HCN2: variants seen among roughly 807,000 people sequenced by gnomAD.
The protein encoded by HCN2 is hyperpolarization activated cyclic nucleotide gated potassium and sodium channel 2, also known as potassium/sodium hyperpolarization-activated cyclic nucleotide-gated channel 2.
HCN2 carries 20 observed loss-of-function variants against 52.3 expected under a neutral mutation model. The ratio of observed to expected loss-of-function variants is 0.38; its 90% CI spans 0.27 to 0.56. HCN2 has a LOEUF of 0.56. Ranked by LOEUF, HCN2 falls within the 20% of genes least tolerant of loss-of-function variation. HCN2 has a pLI of 0.71. For missense variants in HCN2, 981 were observed against 1,207.7 expected (o/e 0.81, Z 2.78); for synonymous variants, 694 against 537.0 (o/e 1.29, Z -4.04).
chr19:616,459 CTCG>C lies in HCN2; in HGVS notation c.2658_2660del (p.Ser887del). ...CCCAGGACTCCGCGCGCTCGCGCCT[CTCG>C]TCCAACTTGTGACCCTCGCCGACCG... On this transcript the variant is annotated inframe_deletion, in exon 8 of 8. Coordinates refer to ENST00000251287, the MANE Select transcript of HCN2 (RefSeq NM_001194.4). The C allele has an allele frequency of 1.6e-6, 2 of 1,237,538 alleles. No homozygotes were observed. Among genetic ancestry groups the C allele is most frequent in the Non-Finnish European group, 2.0e-6 (2 of 987,904 alleles). 76.7% of individuals were successfully genotyped at this position (1,237,538 alleles called of 1,614,324 possible). A position where few individuals can be genotyped will look rare whatever the true frequency, so the allele number is the denominator to read the frequency against.
intron 4 of HCN2, 121 bp from the exon 5 acceptor site, chr19:610,137 GC>G (rs1222539408): frequency 8.3e-7 from 1 of 1,207,482 alleles, no homozygotes; most frequent in African/African-American, 1.5e-5. Flanking sequence ...GTGCCCGTGT[GC>G]CCGCTGCAGG....
chr19:600,782 G>C (rs1172584497), intron 1 of HCN2, among the ~76,000 whole-genome samples: 2 of 152,132 alleles, frequency 1.3e-5, no homozygotes, highest in Non-Finnish European at 2.9e-5. Context: ...CACCCAGCAG[G>C]CTTTTTTCTT....
intron 1 of HCN2, among the ~76,000 whole-genome samples, chr19:597,738 T>C (rs1426594279): frequency 6.0e-4 from 90 of 149,718 alleles, no homozygotes; most frequent in Non-Finnish European, 6.4e-4. Context: ...GTCCTCCTGG[T>C]GGTTTCTAGG....
chr19:597,336 G>T (rs1055072344), intron 1 of HCN2, among the ~76,000 whole-genome samples: 2 of 152,226 alleles, frequency 1.3e-5, no homozygotes, highest in Admixed American at 6.5e-5. Flanking sequence ...CCATCAGAGG[G>T]GAGGTGTGGT....
At chr19:600,911 A>T (rs982060457) in intron 1 of HCN2, among the ~76,000 whole-genome samples, 6 of 152,204 alleles carry the variant, frequency 3.9e-5, no homozygotes, top group Non-Finnish European at 8.8e-5. Context: ...TCCCCCGGAC[A>T]GAAACCGCAC....
intron 5 of HCN2, among the ~76,000 whole-genome samples, chr19:610,706 GCTGAGCA>G (rs1983594309): frequency 6.6e-6 from 1 of 152,210 alleles, no homozygotes; most frequent in Non-Finnish European, 1.5e-5. Flanking sequence ...CAGAGGCCCC[GCTGAGCA>G]CCAGGTCCTG....
At chr19:615,741 C>T (rs1230710556) in intron 7 of HCN2, 54 bp from the exon 8 acceptor site, 26 of 1,572,172 alleles carry the variant, frequency 1.7e-5, no homozygotes, top group Non-Finnish European at 1.9e-5. Context: ...GCTCGGTGCC[C>T]GCTGTACGCA....
In HCN2 at chr19:617,043, C is replaced by T. The variant is rs948723831; in HGVS notation, c.*569C>T. 1.2e-4 allele frequency: 63 copies of T among 544,416 alleles called. No homozygotes were observed. The highest frequency in any genetic ancestry group is 5.1e-4 in the Middle Eastern group (1 of 1,980). The allele number at this position is 544,416 out of a possible 1,614,324, so 33.7% of individuals were successfully genotyped here. A position where few individuals can be genotyped will look rare whatever the true frequency, so the allele number is the denominator to read the frequency against. ...GGGCGCGGGGGGGAGGCTGGGGTCC[C>T]GCCGCCGTGATGAATGTACTGACGA... On this transcript the variant is annotated 3_prime_UTR_variant, in exon 8 of 8. Transcript: ENST00000251287.
chr19:599,737 G>A (rs1228476213), intron 1 of HCN2, among the ~76,000 whole-genome samples: 5 of 152,178 alleles, frequency 3.3e-5, no homozygotes, highest in African/African-American at 9.6e-5. Flanking sequence ...GCAGTGAGCC[G>A]AGATTGTGCC....
intron 5 of HCN2, among the ~76,000 whole-genome samples, chr19:610,918 C>T (rs969544734): frequency 6.6e-6 from 1 of 152,204 alleles, no homozygotes; most frequent in East Asian, 1.9e-4. Context: ...CGTGCTACCC[C>T]CCCGGAGCCC....
Position 610,384 on chromosome 19 carries a change from G to A in HCN2, c.1563G>A (p.Glu521=). 1 of 1,613,484 alleles carries A rather than the reference G, an allele frequency of 6.2e-7. No individual in the cohort carries two copies. Among genetic ancestry groups the A allele is most frequent in the Non-Finnish European group, 8.5e-7 (1 of 1,179,706 alleles). Residue 521 remains glutamate, a synonymous_variant, in exon 5 of 8, where the codon GAG becomes GAA. Transcript: ENST00000251287. ...KMFDEDSILG[E]LNGPLREEIV... ...TTGACGAGGACAGCATCCTGGGCGA[G>A]CTCAACGGGCCCCTGCGGGAGGTGA...
At position 603,785 on chromosome 19, in the gene HCN2, G is replaced by A. The variant is rs763669273; in HGVS notation, c.874G>A (p.Val292Met). 3.1e-6 allele frequency: 5 copies of A among 1,612,736 alleles called. No homozygotes were observed. The highest frequency in any genetic ancestry group is 1.7e-5 in the Admixed American group (1 of 59,996). The change falls in exon 2 of 8, where the codon GTG becomes ATG. Residue 292 changes from valine (V) to methionine (M), a missense_variant. Transcript: ENST00000251287. ...IKKKYLRTWF[V>M]VDFVSSIPVD... ...GAAGAAGTATCTGCGCACGTGGTTCGTGGTGGACTTCGTGTCCTCCATCCC... is the reference window on the plus strand; with the variant it reads ...GAAGAAGTATCTGCGCACGTGGTTCATGGTGGACTTCGTGTCCTCCATCCC...
chr19:595,283 C>A (rs901252480), intron 1 of HCN2, among the ~76,000 whole-genome samples: 18 of 151,586 alleles, frequency 1.2e-4, no homozygotes, highest in Admixed American at 2.6e-4. Context: ...GGCCCTGCCT[C>A]ACCCCCCACC....
chr19:615,733 T>TCGGTGCC (rs1480973172), intron 7 of HCN2, 62 bp from the exon 8 acceptor site: 1 of 1,565,782 alleles, frequency 6.4e-7, no homozygotes, highest in Non-Finnish European at 8.8e-7. Context: ...GAGTAGGTGC[T>TCGGTGCC]CGGTGCCCGC....
chr19:612,494 T>G (rs1475512598), intron 5 of HCN2, among the ~76,000 whole-genome samples: 1 of 151,848 alleles, frequency 6.6e-6, no homozygotes, highest in African/African-American at 2.4e-5. Context: ...TGGTTCACTG[T>G]AACCTCCTCC....
At chr19:593,503 C>G (rs1982933657) in intron 1 of HCN2, among the ~76,000 whole-genome samples, 2 of 152,156 alleles carry the variant, frequency 1.3e-5, no homozygotes, top group Non-Finnish European at 2.9e-5. Context: ...GCCTGTAATC[C>G]CAGCTACTCG....
chr19:614,121 C>T (rs1331417177), intron 7 of HCN2, 105 bp downstream of exon 7: 1 of 740,306 alleles, frequency 1.4e-6, no homozygotes, highest in South Asian at 3.1e-5. Context: ...AAGGGCGTGG[C>T]TGTGGCATCA....
chr19:615,728 G>C, intron 7 of HCN2, 67 bp from the exon 8 acceptor site: 1 of 1,536,754 alleles, frequency 6.5e-7, no homozygotes, highest in Non-Finnish European at 9.0e-7. Context: ...GTGCAGAGTA[G>C]GTGCTCGGTG....
chr19:615,171 C>T (rs2144536544), intron 7 of HCN2, among the ~76,000 whole-genome samples: 1 of 152,208 alleles, frequency 6.6e-6, no homozygotes, highest in East Asian at 1.9e-4. Flanking sequence ...CACATGCATA[C>T]TTGGTGCACA....
Sources: gnomAD v4.1 joint callset for allele counts (sites outside exome capture counted in the v4.1 genomes callset) on GRCh38, gnomAD v4.1.1 for gene constraint, MANE v1.5 for transcripts, NCBI Gene and HGNC (gene_info 2026-07-23, HGNC 2026-07-21) for gene names.